NHSL1: variants seen among roughly 807,000 people sequenced by gnomAD.
The protein encoded by NHSL1 is NHS like 1.
In NHSL1, 48 loss-of-function variants were observed where a neutral mutation model predicts 95.0. That is an observed-to-expected ratio of 0.51 (90% CI 0.40 to 0.64). The LOEUF is 0.64. Among genes scored for constraint, NHSL1 ranks in the 30% least tolerant of loss-of-function variants. The pLI is 0.00. For missense variants in NHSL1, 1,971 were observed against 2,077.7 expected, an observed-to-expected ratio of 0.95 and a Z score of 1.00; for synonymous variants, 783 against 833.9, an observed-to-expected ratio of 0.94 and a Z score of 1.05.
chr6:138,464,070 T>G, intron 3 of NHSL1: 1 of 432,350 alleles, frequency 2.3e-6, no homozygotes, highest in South Asian at 3.3e-5. Flanking sequence ...AATGAGGGGG[T>G]GAGCAAGATG....
chr6:138,552,524 C>G (rs1783047539), intron 1 of NHSL1, among the ~76,000 whole-genome samples: 1 of 152,102 alleles, frequency 6.6e-6, no homozygotes, highest in Non-Finnish European at 1.5e-5. Context: ...TGACATCAGT[C>G]AAGAAAGTAG....
intron 3 of NHSL1, among the ~76,000 whole-genome samples, chr6:138,450,345 C>A (rs1214182507): frequency 6.6e-6 from 1 of 152,180 alleles, no homozygotes; most frequent in Non-Finnish European, 1.5e-5. Context: ...ATTTTTCAGG[C>A]AACCTTGAAT....
chr6:138,428,581 A>G (rs1053591280), intron 7 of NHSL1, among the ~76,000 whole-genome samples: 2 of 152,206 alleles, frequency 1.3e-5, no homozygotes, highest in African/African-American at 4.8e-5. Context: ...AATTCTTGAC[A>G]AGAACATTAA....
At chr6:138,603,067 G>A (rs1784391726) in intron 1 of NHSL1, among the ~76,000 whole-genome samples, 1 of 152,128 alleles carries the variant, frequency 6.6e-6, no homozygotes, top group African/African-American at 2.4e-5. Flanking sequence ...TTCTTTTATG[G>A]AAAGAAGATA....
At chr6:138,475,497 G>C (rs1201113145) in intron 2 of NHSL1, among the ~76,000 whole-genome samples, 1 of 151,930 alleles carries the variant, frequency 6.6e-6, no homozygotes, top group African/African-American at 2.4e-5. Flanking sequence ...CAAAGTACTG[G>C]GATTATAGCC....
At chr6:138,464,705 T>TTTTC (rs1240681838) in intron 3 of NHSL1, among the ~76,000 whole-genome samples, 67 of 144,612 alleles carry the variant, frequency 4.6e-4, no homozygotes, top group African/African-American at 1.3e-3. Flanking sequence ...TTCACTTTTT[T>TTTTC]TTTTCTTTTC....
chr6:138,612,942 C>T (rs2114603537), intron 1 of NHSL1, among the ~76,000 whole-genome samples: 1 of 152,312 alleles, frequency 6.6e-6, no homozygotes, highest in Middle Eastern at 3.4e-3. Context: ...AGTCGGACCA[C>T]AAAGCATTTA....
intron 2 of NHSL1, among the ~76,000 whole-genome samples, chr6:138,491,315 T>C (rs978532062): frequency 6.6e-6 from 1 of 152,218 alleles, no homozygotes; most frequent in African/African-American, 2.4e-5. Context: ...CTCTCTCAAG[T>C]TGGGCTTTTT....
Position 138,522,293 on chromosome 6 carries a change from T to C in NHSL1, c.16+23330A>G, listed in dbSNP as rs1428480462. 5.9e-5 allele frequency among the ~76,000 whole-genome samples: 9 copies of C among 152,228 alleles called. 1 individual carries two copies. The highest frequency in any genetic ancestry group is 1.3e-4 in the Non-Finnish European group (9 of 68,032). The stretch of plus-strand genomic sequence containing the variant: ...ATGGAAATCCATCACTGTAACTTCC[T>C]TGTTCAAAGAATGTTTGGAGCCTGG... On this transcript the variant is annotated intron_variant, in intron 1 of 4. Coordinates refer to the NHSL1 transcript ENST00000342260.
At chr6:138,670,106 G>C (rs930590313) in intron 1 of NHSL1, among the ~76,000 whole-genome samples, 1 of 151,840 alleles carries the variant, frequency 6.6e-6, no homozygotes, top group Admixed American at 6.6e-5. Flanking sequence ...GGGTGACAGA[G>C]TGAGACTCCA....
intron 3 of NHSL1, among the ~76,000 whole-genome samples, chr6:138,452,909 A>G (rs1777336116): frequency 6.6e-6 from 1 of 152,244 alleles, no homozygotes. Context: ...TGGTTCATCC[A>G]GCAACTCCAT....
intron 7 of NHSL1, among the ~76,000 whole-genome samples, chr6:138,428,641 T>C (rs1008946329): frequency 1.3e-5 from 2 of 152,216 alleles, no homozygotes; most frequent in Non-Finnish European, 1.5e-5. Context: ...ATGTGTTGCA[T>C]GAAGAGTTTC....
chr6:138,444,676 ATTT>A (rs1301634016), intron 4 of NHSL1, among the ~76,000 whole-genome samples: 2 of 152,000 alleles, frequency 1.3e-5, no homozygotes, highest in East Asian at 3.9e-4. Context: ...CCCTAGAGGA[ATTT>A]TCTTTTTTTA....
intron 1 of NHSL1, among the ~76,000 whole-genome samples, chr6:138,675,269 A>T (rs372481745): frequency 1.3e-5 from 2 of 152,086 alleles, no homozygotes; most frequent in African/African-American, 4.8e-5. Flanking sequence ...CAGTCCCACA[A>T]GCCAAAGCAC....
intron 3 of NHSL1, among the ~76,000 whole-genome samples, chr6:138,459,789 T>C (rs1269725569): frequency 1.3e-5 from 2 of 152,202 alleles, no homozygotes; most frequent in African/African-American, 2.4e-5. Context: ...CCAAATAACT[T>C]GTCAATATCT....
At chr6:138,660,792 C>CAACAAA in intron 1 of NHSL1, among the ~76,000 whole-genome samples, 1 of 82,458 alleles carries the variant, frequency 1.2e-5, no homozygotes. Flanking sequence ...CCTGTCTCTA[C>CAACAAA]AAAAAAAAAA....
At chr6:138,664,883 C>A (rs1459855023) in intron 1 of NHSL1, among the ~76,000 whole-genome samples, 1 of 152,186 alleles carries the variant, frequency 6.6e-6, no homozygotes, top group African/African-American at 2.4e-5. Context: ...TCCCTGGGGT[C>A]AGGGTGTGGG....
intron 1 of NHSL1, among the ~76,000 whole-genome samples, chr6:138,552,064 T>G (rs895763317): frequency 6.6e-6 from 1 of 152,182 alleles, no homozygotes; most frequent in African/African-American, 2.4e-5. Context: ...GGTAGACACA[T>G]TCACATCACT....
intron 2 of NHSL1, among the ~76,000 whole-genome samples, chr6:138,487,062 G>A (rs942891543): frequency 9.2e-5 from 14 of 152,130 alleles, no homozygotes; most frequent in South Asian, 2.1e-4. Context: ...TAGACAGAAA[G>A]AAGAACAAGA....
Sources: allele counts gnomAD v4.1 joint callset (sites outside exome capture counted in the v4.1 genomes callset), GRCh38; gene constraint gnomAD v4.1.1; transcripts MANE v1.5; gene names NCBI Gene and HGNC (gene_info 2026-07-23, HGNC 2026-07-21).